The following SCN9A variants were observed in gnomAD, a reference collection of about 807,000 sequenced individuals.
SCN9A encodes sodium voltage-gated channel alpha subunit 9, also known as sodium channel protein type 9 subunit alpha.
In SCN9A, 131 loss-of-function variants were observed where a neutral mutation model predicts 187.0. That is an observed-to-expected ratio of 0.70 (90% CI 0.61 to 0.81). SCN9A has a LOEUF of 0.81. Ranked by LOEUF, SCN9A falls within the 30% of genes least tolerant of loss-of-function variation. The pLI is 0.00. For synonymous variants in SCN9A, 809 were observed against 808.6 expected (o/e 1.00, Z -0.01); for missense variants, 2,252 against 2,396.6 (o/e 0.94, Z 1.26).
intron 18 of SCN9A, among the ~76,000 whole-genome samples, chr2:166,247,113 A>G (rs764338148): frequency 3.4e-5 from 5 of 149,170 alleles, no homozygotes; most frequent in African/African-American, 4.9e-5. Context: ...ATGGTGCATT[A>G]CATAAAGTCT....
rs1486841808 is a variant in SCN9A at position 166,280,461 on chromosome 2, C to G, written c.2239G>C (p.Asp747His). The change falls in exon 14 of 27, where the codon GAT (aspartate) becomes CAT (histidine). Residue 747 changes from aspartate (D) to histidine (H), a missense_variant. Asp to His is a moderately conservative substitution (Grantham distance 81, BLOSUM62 -1). This residue lies in a region of SCN9A where 1,013 missense variants were observed against 997.4 expected (regional missense o/e 1.02). Coordinates refer to ENST00000642356, the MANE Select transcript of SCN9A (RefSeq NM_001365536.1). ...ACTATGCAAATGGTAATTGCAAGAT[C>G]TACAAAAGGATCCATTACAATAAAA... ...IYFIVMDPFV[D>H]LAITICIVLN... The G allele has an allele frequency of 6.3e-7, 1 of 1,587,024 alleles. No homozygotes were observed. The highest frequency in any genetic ancestry group is 8.6e-7 in the Non-Finnish European group (1 of 1,164,296).
At position 166,322,244 on chromosome 2, in the gene SCN9A, CA is replaced by C. The variant is rs377597385; in HGVS notation, c.-50-10439del. Reference sequence around the variant, plus strand: ...GAGCTTTTGTAAAATCTTTAATATACAGCTCGATTTCCATTTGATCCAATGT... The same window carrying C: ...GAGCTTTTGTAAAATCTTTAATATACGCTCGATTTCCATTTGATCCAATGT... On this transcript the variant is annotated intron_variant, in intron 1 of 26. Transcript: ENST00000642356. Among the ~76,000 whole-genome samples the C allele has an allele frequency of 4.3e-4, 66 of 152,162 alleles. 2 individuals are homozygous for C. The South Asian group carries it at 0.013, about 31-fold the overall frequency.
chr2:166,313,392 A>G (rs1201476092), intron 1 of SCN9A, among the ~76,000 whole-genome samples: 1 of 152,178 alleles, frequency 6.6e-6, no homozygotes, highest in East Asian at 1.9e-4. Context: ...CACTCTTATC[A>G]ATGATCTTAG....
chr2:166,304,175 AG>A, intron 6 of SCN9A, 62 bp downstream of exon 6: 2 of 1,610,824 alleles, frequency 1.2e-6, no homozygotes, highest in Non-Finnish European at 1.7e-6. Context: ...AAACGAACAA[AG>A]AACAACTCCC....
chr2:166,294,684 A>G, intron 7 of SCN9A, 22 bp from the exon 8 acceptor site: 1 of 1,511,946 alleles, frequency 6.6e-7, no homozygotes, highest in Non-Finnish European at 9.1e-7. Flanking sequence ...GAATTTGAAC[A>G]GTTATAACAT....
intron 2 of SCN9A, among the ~76,000 whole-genome samples, chr2:166,307,634 A>G (rs1698802308): frequency 6.6e-6 from 1 of 152,200 alleles, no homozygotes; most frequent in African/African-American, 2.4e-5. Flanking sequence ...TAGTTATAAT[A>G]CTAATATTAG....
rs1698778953 is a variant in SCN9A at position 166,306,956 on chromosome 2, G to A, written c.377C>T (p.Ser126Phe). ...GATGTAATCATTTTTAAAAGGATAT[G>A]AGTGTACTAAAATCTTAATAGATAT... The part of the protein sequence containing the change: ...RRISIKILVH[S>F]LFSMLIMCTI... The change falls in exon 3 of 27, where the codon TCC (serine) becomes TTC (phenylalanine). Residue 126 changes from serine to phenylalanine, a missense_variant and splice_region_variant. Physicochemically the swap from Ser to Phe is radical, Grantham distance 155. This residue lies in a region of SCN9A where 1,013 missense variants were observed against 997.4 expected (regional missense o/e 1.02). Coordinates refer to ENST00000642356, the MANE Select transcript of SCN9A (RefSeq NM_001365536.1). 6.7e-7 allele frequency: 1 copy of A among 1,499,768 alleles called. No individual in the cohort carries two copies. The highest frequency in any genetic ancestry group is 1.1e-5 in the South Asian group (1 of 87,470). 92.9% of individuals were successfully genotyped at this position (1,499,768 alleles called of 1,614,324 possible).
intron 14 of SCN9A, 65 bp from the exon 15 acceptor site, chr2:166,278,378 A>T: frequency 6.2e-6 from 8 of 1,282,982 alleles, no homozygotes; most frequent in Non-Finnish European, 8.6e-6. Context: ...CAATGATAAT[A>T]ATCACTGTTT....
chr2:166,221,692 C>T (rs1181024387), intron 24 of SCN9A, among the ~76,000 whole-genome samples: 1 of 152,114 alleles, frequency 6.6e-6, no homozygotes, highest in East Asian at 1.9e-4. Flanking sequence ...GCCATTGCAC[C>T]CAGTCCCCAC....
At position 166,251,793 on chromosome 2, in the gene SCN9A, G is replaced by A. The variant is rs200255842; in HGVS notation, c.3444C>T (p.Ser1148=). ...GEEAEAEPMN[S]DEPEACFTDG... is the part of the protein sequence containing the mutation. ...CTGTGAAACAGGCCTCTGGCTCATCGGAATTCATAGGTTCAGCCTCTGCTT... is the reference window on the plus strand; with the variant it reads ...CTGTGAAACAGGCCTCTGGCTCATCAGAATTCATAGGTTCAGCCTCTGCTT... Residue 1148 remains serine (S), a synonymous_variant, in exon 18 of 27, where the codon TCC becomes TCT. Transcript: ENST00000642356. 40 of 1,612,410 alleles carry A rather than the reference G, an allele frequency of 2.5e-5. 1 individual carries two copies. In the South Asian group the frequency reaches 3.1e-4, roughly 12 times the overall value.
At chr2:166,282,475 T>C (rs908162957) in intron 12 of SCN9A, among the ~76,000 whole-genome samples, 1 of 152,072 alleles carries the variant, frequency 6.6e-6, no homozygotes, top group East Asian at 1.9e-4. Flanking sequence ...GCATAACAAG[T>C]GTATTTATTT....
intron 1 of SCN9A, among the ~76,000 whole-genome samples, chr2:166,320,658 A>G (rs188810319): frequency 2.3e-3 from 346 of 152,258 alleles, no homozygotes; most frequent in African/African-American, 7.5e-3. Context: ...TCTGACACCA[A>G]TTCTTCCATA....
rs902332130 is a variant in SCN9A at position 166,216,602 on chromosome 2, C to A, written c.4398+9965G>T. ...TATACATTAACAATGAGGTATCCAA[C>A]AAAGAAATTAAGAAATTAATCCTAT... On this transcript the variant is annotated intron_variant, in intron 24 of 26. Coordinates refer to ENST00000642356, the MANE Select transcript of SCN9A (RefSeq NM_001365536.1). Among the ~76,000 whole-genome samples, 5 of 151,642 alleles carry A rather than the reference C, an allele frequency of 3.3e-5. No homozygotes were observed. In the East Asian group the frequency reaches 5.8e-4, roughly 18 times the overall value.
chr2:166,217,346 A>G (rs1040904890), intron 24 of SCN9A, among the ~76,000 whole-genome samples: 3 of 152,144 alleles, frequency 2.0e-5, no homozygotes, highest in African/African-American at 4.8e-5. Flanking sequence ...ACAAAAGACA[A>G]TAAGAGACAA....
At chr2:166,266,180 C>G (rs1362250648) in intron 17 of SCN9A, among the ~76,000 whole-genome samples, 2 of 151,550 alleles carry the variant, frequency 1.3e-5, no homozygotes, top group Non-Finnish European at 1.5e-5. Flanking sequence ...TTTTTCTTCT[C>G]TAATAGTTGT....
intron 1 of SCN9A, among the ~76,000 whole-genome samples, chr2:166,358,561 C>CT (rs1320080889): frequency 1.3e-5 from 2 of 151,998 alleles, no homozygotes; most frequent in Admixed American, 6.6e-5. Context: ...ATAAAATTAG[C>CT]TTTTTTTCTG....
At chr2:166,323,169 A>G (rs1699284608) in intron 1 of SCN9A, among the ~76,000 whole-genome samples, 1 of 152,188 alleles carries the variant, frequency 6.6e-6, no homozygotes, top group East Asian at 1.9e-4. Flanking sequence ...CAGGGTCAAA[A>G]GCAAATAAAT....
In SCN9A at chr2:166,303,293, G is replaced by A. The variant is rs771254688; in HGVS notation, c.698C>T (p.Thr233Ile). 1.2e-6 allele frequency: 2 copies of A among 1,612,546 alleles called. No individual in the cohort carries two copies. The highest frequency in any genetic ancestry group is 2.2e-5 in the South Asian group (2 of 90,606). Residue 233 changes from threonine (T) to isoleucine (I), a missense_variant, in exon 7 of 27, where the codon ACA (threonine) becomes ATA (isoleucine). Coordinates refer to ENST00000642356, the MANE Select transcript of SCN9A (RefSeq NM_001365536.1). The stretch of plus-strand genomic sequence containing the variant: ...TGACTGGATCAAAGCCCCTACAATT[G>A]TCTTCAGGCCTGAAAATGGGAGAAA... ...KTISVIPGLK[T>I]IVGALIQSVK...
chr2:166,211,908 A>G (rs1018921710), intron 24 of SCN9A, among the ~76,000 whole-genome samples: 3 of 152,210 alleles, frequency 2.0e-5, no homozygotes, highest in Admixed American at 6.5e-5. Context: ...AGGCAATAGT[A>G]AGTCATTACC....
Sources: allele counts gnomAD v4.1 joint callset (sites outside exome capture counted in the v4.1 genomes callset), GRCh38; gene constraint gnomAD v4.1.1; regional missense constraint gnomAD v4.1.1; transcripts MANE v1.5; gene names NCBI Gene and HGNC (gene_info 2026-07-23, HGNC 2026-07-21).